Variants in SCD5 observed in about 807,000 individuals in gnomAD.
SCD5 encodes the protein stearoyl-CoA desaturase 5, also known as acyl-CoA-desaturase 4.
In SCD5, 20 loss-of-function variants were observed where a neutral mutation model predicts 30.4. That is an observed-to-expected ratio of 0.66 (90% CI 0.46 to 0.96). The LOEUF (loss-of-function observed/expected upper bound fraction) is 0.96, where lower values mean the gene tolerates loss of function less well. Ranked by LOEUF, SCD5 falls within the 40% of genes least tolerant of loss-of-function variation. The pLI, the probability that SCD5 is intolerant of heterozygous loss-of-function variation, is 0.00. For synonymous variants in SCD5, 173 were observed against 176.4 expected, an observed-to-expected ratio of 0.98 and a Z score of 0.16; for missense variants, 381 against 443.3, an observed-to-expected ratio of 0.86 and a Z score of 1.26.
chr4:82,797,595 G>A (rs1016477360), intron 1 of SCD5, among the ~76,000 whole-genome samples: 3 of 152,044 alleles, frequency 2.0e-5, no homozygotes, highest in African/African-American at 7.2e-5. Flanking sequence ...GTTTGGAGAA[G>A]GCTCTGCACA....
intron 3 of SCD5, among the ~76,000 whole-genome samples, chr4:82,662,869 A>C (rs1447824250): frequency 3.9e-5 from 6 of 152,144 alleles, no homozygotes; most frequent in Non-Finnish European, 8.8e-5. Flanking sequence ...AAAAAAAAAA[A>C]AAAAAAACAC....
intron 1 of SCD5, among the ~76,000 whole-genome samples, chr4:82,760,785 G>A (rs13126374): frequency 1.3e-5 from 2 of 152,132 alleles, no homozygotes; most frequent in Non-Finnish European, 2.9e-5. Flanking sequence ...TGGGGCATAC[G>A]CCACCTTGTA....
At chr4:82,709,334 C>T (rs1720032651) in intron 1 of SCD5, among the ~76,000 whole-genome samples, 3 of 152,128 alleles carry the variant, frequency 2.0e-5, no homozygotes, top group Admixed American at 1.3e-4. Flanking sequence ...CTTTATGAGA[C>T]AGTTTCATTG....
intron 1 of SCD5, among the ~76,000 whole-genome samples, chr4:82,742,833 C>T (rs1378716890): frequency 2.6e-5 from 4 of 152,134 alleles, no homozygotes; most frequent in African/African-American, 7.2e-5. Context: ...ACCAATGATG[C>T]GGGTCTCTGA....
At chr4:82,674,456 C>G (rs1467728350) in intron 3 of SCD5, among the ~76,000 whole-genome samples, 2 of 152,230 alleles carry the variant, frequency 1.3e-5, no homozygotes, top group African/African-American at 4.8e-5. Flanking sequence ...GGCCAAAATC[C>G]AGAACATAGA....
At chr4:82,655,089 T>A (rs1274180310) in intron 3 of SCD5, among the ~76,000 whole-genome samples, 1 of 152,196 alleles carries the variant, frequency 6.6e-6, no homozygotes, top group African/African-American at 2.4e-5. Flanking sequence ...AAATTGTGAA[T>A]CCCCTTTGGT....
At chr4:82,660,765 G>A in intron 3 of SCD5, 3 of 1,560,628 alleles carry the variant, frequency 1.9e-6, no homozygotes, top group Non-Finnish European at 2.6e-6. Context: ...AGCACAGACT[G>A]CAGCTCTGTC....
intron 1 of SCD5, among the ~76,000 whole-genome samples, chr4:82,714,060 A>G (rs1426035158): frequency 6.6e-6 from 1 of 152,148 alleles, no homozygotes. Flanking sequence ...CATCCTACCC[A>G]TACATTACTC....
intron 1 of SCD5, among the ~76,000 whole-genome samples, chr4:82,726,503 G>A (rs866210349): frequency 1.3e-5 from 2 of 148,880 alleles, no homozygotes; most frequent in Non-Finnish European, 3.0e-5. Flanking sequence ...TGAGTTTGCC[G>A]GACACTGAGA....
chr4:82,730,585 C>CT (rs397935360), intron 1 of SCD5, among the ~76,000 whole-genome samples: 31,444 of 114,532 alleles, frequency 0.27, 4,784 homozygotes, highest in African/African-American at 0.34. Context: ...TTTTTCCCTT[C>CT]TTTTTTTTTT....
At chr4:82,670,242 G>A (rs1277468193) in intron 3 of SCD5, among the ~76,000 whole-genome samples, 4 of 152,072 alleles carry the variant, frequency 2.6e-5, no homozygotes, top group East Asian at 1.9e-4. Context: ...TATGATTAAC[G>A]GGCTAAGGGC....
chr4:82,673,976 G>C (rs1728384363), intron 3 of SCD5, among the ~76,000 whole-genome samples: 1 of 152,114 alleles, frequency 6.6e-6, no homozygotes, highest in African/African-American at 2.4e-5. Flanking sequence ...TTCAGACACA[G>C]ACTTCACACA....
At chr4:82,723,925 C>T (rs368908392) in intron 1 of SCD5, among the ~76,000 whole-genome samples, 19 of 152,242 alleles carry the variant, frequency 1.2e-4, no homozygotes, top group Admixed American at 3.3e-4. Flanking sequence ...AGTCTGAGGA[C>T]ACATGAAATC....
At chr4:82,670,546 T>C (rs554754381) in intron 3 of SCD5, among the ~76,000 whole-genome samples, 2 of 151,608 alleles carry the variant, frequency 1.3e-5, no homozygotes, top group African/African-American at 4.8e-5. Context: ...AAAGAAAAAT[T>C]GCAACAAATA....
chr4:82,759,361 A>G (rs1296617796), intron 1 of SCD5, among the ~76,000 whole-genome samples: 1 of 152,186 alleles, frequency 6.6e-6, no homozygotes, highest in Non-Finnish European at 1.5e-5. Flanking sequence ...CTTTCTTCCT[A>G]GAGCTCCTGC....
chr4:82,773,517 C>T (rs1432189237), intron 1 of SCD5, among the ~76,000 whole-genome samples: 3 of 152,208 alleles, frequency 2.0e-5, no homozygotes, highest in Non-Finnish European at 4.4e-5. Flanking sequence ...CTTCAGCCAG[C>T]TAAACTGAGT....
chr4:82,728,693 C>T (rs760062684), intron 1 of SCD5, among the ~76,000 whole-genome samples: 45 of 152,270 alleles, frequency 3.0e-4, no homozygotes, highest in Non-Finnish European at 4.0e-4. Flanking sequence ...CAGCAGCACC[C>T]ATTCCCTAGC....
intron 3 of SCD5, among the ~76,000 whole-genome samples, chr4:82,650,253 C>T (rs150273228): frequency 9.3e-4 from 142 of 152,244 alleles, no homozygotes; most frequent in Non-Finnish European, 1.4e-3. Context: ...AATGAGAGAG[C>T]TCTATGAGCA....
chr4:82,715,144 C>G (rs1043717726), intron 1 of SCD5, among the ~76,000 whole-genome samples: 2 of 150,352 alleles, frequency 1.3e-5, no homozygotes, highest in Non-Finnish European at 1.5e-5. Flanking sequence ...GGCTGAGGCA[C>G]GAGAATTGCT....
Sources: gnomAD v4.1 joint callset for allele counts (sites outside exome capture counted in the v4.1 genomes callset) on GRCh38, gnomAD v4.1.1 for gene constraint, MANE v1.5 for transcripts, NCBI Gene and HGNC (gene_info 2026-07-23, HGNC 2026-07-21) for gene names.